Variants in PDE1C observed in about 807,000 individuals in gnomAD.
The protein encoded by PDE1C is dual specificity calcium/calmodulin-dependent 3',5'-cyclic nucleotide phosphodiesterase 1C.
Under a neutral mutation model 93.1 loss-of-function variants are expected in PDE1C, and 62 were observed. That is an observed-to-expected ratio of 0.67 (90% confidence interval 0.54 to 0.82). The LOEUF (loss-of-function observed/expected upper bound fraction) is 0.82, where lower values mean the gene tolerates loss of function less well. PDE1C is among the 40% of genes least tolerant of loss of function. PDE1C has a pLI of 0.00. For missense variants in PDE1C, 742 were observed against 884.6 expected (o/e 0.84, Z 2.04); for synonymous variants, 325 against 310.1 (o/e 1.05, Z -0.50).
Position 32,021,738 on chromosome 7 carries a change from G to A in PDE1C, c.128+29816C>T, listed in dbSNP as rs373242798. The stretch of plus-strand genomic sequence containing the variant: ...TATCATCAGCTGACATCTAGTTGAT[G>A]TCTATCCACAGGTAGACAATAATTT... On this transcript the variant is annotated intron_variant, in intron 2 of 17. Transcript: ENST00000396191. Among the ~76,000 whole-genome samples, 29 of 152,094 alleles carry A rather than the reference G, an allele frequency of 1.9e-4. No homozygotes were observed. In the East Asian group the frequency reaches 3.9e-3, roughly 20 times the overall value.
At chr7:32,137,101 A>C (rs990052803) in intron 3 of PDE1C, among the ~76,000 whole-genome samples, 3 of 152,196 alleles carry the variant, frequency 2.0e-5, no homozygotes, top group Non-Finnish European at 4.4e-5. Context: ...GATGGAGCAT[A>C]AGACTATCAT....
At chr7:31,991,533 G>C (rs558893919) in intron 2 of PDE1C, among the ~76,000 whole-genome samples, 2 of 152,302 alleles carry the variant, frequency 1.3e-5, no homozygotes, top group African/African-American at 4.8e-5. Context: ...AATGGCTTGG[G>C]AGCACTGTGA....
At chr7:32,262,034 T>A (rs1424735994) in intron 1 of PDE1C, among the ~76,000 whole-genome samples, 1 of 136,954 alleles carries the variant, frequency 7.3e-6, no homozygotes, top group Non-Finnish European at 1.6e-5. Flanking sequence ...TTTTTTTTAA[T>A]GTGACATCTA....
Position 32,168,559 on chromosome 7 carries a change from G to A in PDE1C, c.308+1226C>T, listed in dbSNP as rs185476033. Among the ~76,000 whole-genome samples the A allele has an allele frequency of 2.8e-3, 419 of 152,258 alleles. 1 individual carries two copies. The highest frequency in any genetic ancestry group is 7.6e-3 in the Admixed American group (116 of 15,292). ...CACATAGACAGAGAAAGCCATTCAT[G>A]GTCCCCTCTTTCACCACAGTCACTT... On this transcript the variant is annotated intron_variant, in intron 3 of 18. Transcript: ENST00000396193.
chr7:31,809,000 T>A, intron 16 of PDE1C, 31 bp downstream of exon 16: 1 of 1,283,924 alleles, frequency 7.8e-7, no homozygotes, highest in Non-Finnish European at 1.1e-6. Context: ...GCACATTTTA[T>A]GGAAAAATGT....
intron 1 of PDE1C, among the ~76,000 whole-genome samples, chr7:32,291,413 A>G (rs1236163909): frequency 1.3e-5 from 2 of 152,254 alleles, no homozygotes; most frequent in African/African-American, 4.8e-5. Flanking sequence ...TCACATCAGA[A>G]TGGAGCTAGC....
chr7:32,209,619 T>C (rs912944924), intron 1 of PDE1C: 183 of 1,183,222 alleles, frequency 1.5e-4, no homozygotes, highest in Non-Finnish European at 1.6e-4. Flanking sequence ...GCCAATCCCC[T>C]GGATGCTTTG....
chr7:32,340,845 G>A (rs948120909), intron 1 of PDE1C, among the ~76,000 whole-genome samples: 4 of 152,142 alleles, frequency 2.6e-5, no homozygotes, highest in South Asian at 2.1e-4. Context: ...GGGTGGAAAC[G>A]GGAGAAGAAG....
intron 2 of PDE1C, among the ~76,000 whole-genome samples, chr7:32,025,681 G>A (rs143533760): frequency 0.011 from 1,657 of 152,204 alleles, 21 homozygotes; most frequent in Non-Finnish European, 0.014. Flanking sequence ...GCAGGGAGAG[G>A]ATGTTAAGAT....
intron 3 of PDE1C, among the ~76,000 whole-genome samples, chr7:32,118,228 C>T (rs1198808153): frequency 1.3e-5 from 2 of 152,180 alleles, no homozygotes; most frequent in Non-Finnish European, 2.9e-5. Flanking sequence ...CAGAACCTGA[C>T]AGCATAAAGG....
At chr7:32,374,287 G>GAA (rs1159943590) in intron 1 of PDE1C, among the ~76,000 whole-genome samples, 3 of 148,942 alleles carry the variant, frequency 2.0e-5, no homozygotes, top group African/African-American at 7.7e-5. Flanking sequence ...AAGAAAGAAA[G>GAA]AAAGAAAGAA....
intron 3 of PDE1C, among the ~76,000 whole-genome samples, chr7:32,086,778 G>A (rs1797109636): frequency 6.6e-6 from 1 of 152,150 alleles, no homozygotes; most frequent in South Asian, 2.1e-4. Flanking sequence ...TTAATAAATG[G>A]TGCTGGGAAA....
intron 1 of PDE1C, among the ~76,000 whole-genome samples, chr7:32,313,400 T>C (rs1374640023): frequency 6.6e-6 from 1 of 151,840 alleles, no homozygotes; most frequent in African/African-American, 2.4e-5. Flanking sequence ...ATCCCATTAC[T>C]GGGTATATAC....
chr7:31,953,678 G>C (rs901510252), intron 2 of PDE1C, among the ~76,000 whole-genome samples: 1 of 152,148 alleles, frequency 6.6e-6, no homozygotes, highest in African/African-American at 2.4e-5. Flanking sequence ...CAGCAGAATT[G>C]CAGTAGAAGC....
At chr7:31,966,423 T>C (rs13242489) in intron 2 of PDE1C, among the ~76,000 whole-genome samples, 20,669 of 152,124 alleles carry the variant, frequency 0.14, 1,684 homozygotes, top group South Asian at 0.19. Context: ...CCTAAATATA[T>C]ATGCACCCAA....
intron 2 of PDE1C, among the ~76,000 whole-genome samples, chr7:32,186,543 AGTT>A (rs1214583320): frequency 6.6e-6 from 1 of 152,172 alleles, no homozygotes; most frequent in Admixed American, 6.5e-5. Context: ...TATTCCCAGT[AGTT>A]GTTTTTAGTG....
chr7:31,870,893 T>TTATTTTATGGTATTAGTATAAAATAG (rs1410488582), intron 6 of PDE1C, among the ~76,000 whole-genome samples: 13 of 151,984 alleles, frequency 8.6e-5, no homozygotes, highest in East Asian at 3.9e-4. Flanking sequence ...ACACTATATA[T>TTATTTTATGGTATTAGTATAAAATAG]TATTTTATGG....
At chr7:32,226,259 C>G (rs1807261944) in intron 1 of PDE1C, among the ~76,000 whole-genome samples, 1 of 152,126 alleles carries the variant, frequency 6.6e-6, no homozygotes. Flanking sequence ...GCTTCTCCTA[C>G]AAAACAACTG....
At chr7:31,997,480 A>G (rs1784865526) in intron 2 of PDE1C, among the ~76,000 whole-genome samples, 1 of 152,200 alleles carries the variant, frequency 6.6e-6, no homozygotes, top group South Asian at 2.1e-4. Flanking sequence ...CGTAGATACT[A>G]CAATGGTCTG....
Sources: gnomAD v4.1 joint callset for allele counts (sites outside exome capture counted in the v4.1 genomes callset) on GRCh38, gnomAD v4.1.1 for gene constraint, MANE v1.5 for transcripts, NCBI Gene and HGNC (gene_info 2026-07-23, HGNC 2026-07-21) for gene names.